KLF12: variants seen among roughly 807,000 people sequenced by gnomAD.
KLF12 encodes the protein Krueppel-like factor 12.
Under a neutral mutation model 37.8 loss-of-function variants are expected in KLF12, and 9 were observed. The observed-to-expected ratio is 0.24, with a 90% confidence interval of 0.14 to 0.42. The LOEUF (loss-of-function observed/expected upper bound fraction) is 0.42, where lower values mean the gene tolerates loss of function less well. KLF12 is among the 10% of genes least tolerant of loss of function. The pLI is 1.00. For synonymous variants in KLF12, 208 were observed against 202.1 expected, an observed-to-expected ratio of 1.03 and a Z score of -0.25; for missense variants, 411 against 516.0, an observed-to-expected ratio of 0.80 and a Z score of 1.97.
At chr13:73,888,178 A>ATTTTT (rs1158327912) in intron 3 of KLF12, among the ~76,000 whole-genome samples, 1 of 151,860 alleles carries the variant, frequency 6.6e-6, no homozygotes, top group Non-Finnish European at 1.5e-5. Context: ...AATCTTCTGT[A>ATTTTT]TTTTTTGCAG....
chr13:73,996,499 T>C (rs1262768064), intron 1 of KLF12, among the ~76,000 whole-genome samples: 1 of 152,270 alleles, frequency 6.6e-6, no homozygotes, highest in East Asian at 1.9e-4. Context: ...AGGGTAGTTC[T>C]ATAATTTTTT....
chr13:74,198,797 C>A, the KLF12 span, among the ~76,000 whole-genome samples: 147 of 152,270 alleles, frequency 9.7e-4, no homozygotes, highest in African/African-American at 3.2e-3. Context: ...GTCCTGCTCC[C>A]AATTTCTCTT....
intron 1 of KLF12, among the ~76,000 whole-genome samples, chr13:74,039,302 G>A (rs1187102205): frequency 2.0e-5 from 3 of 152,092 alleles, no homozygotes; most frequent in Admixed American, 6.5e-5. Context: ...ACTTTGAGAG[G>A]CTGAAGCAGG....
At chr13:74,198,436 G>A in the KLF12 span, among the ~76,000 whole-genome samples, 3 of 152,104 alleles carry the variant, frequency 2.0e-5, no homozygotes, top group Admixed American at 6.6e-5. Flanking sequence ...CTTGTAGACC[G>A]GCGCTGCTCT....
chr13:73,916,235 ACACACG>A (rs1226105165), intron 3 of KLF12, among the ~76,000 whole-genome samples: 3 of 33,410 alleles, frequency 9.0e-5, no homozygotes, highest in African/African-American at 2.7e-4. Context: ...ACACACACAC[ACACACG>A]CACACGCACA....
At chr13:73,709,971 G>A (rs1353052492) in intron 7 of KLF12, among the ~76,000 whole-genome samples, 2 of 152,080 alleles carry the variant, frequency 1.3e-5, no homozygotes, top group African/African-American at 4.8e-5. Flanking sequence ...AAGTGGGTAG[G>A]GAGAACTTTC....
intron 4 of KLF12, among the ~76,000 whole-genome samples, chr13:73,827,899 G>A (rs1157350712): frequency 6.6e-6 from 1 of 152,096 alleles, no homozygotes; most frequent in African/African-American, 2.4e-5. Flanking sequence ...ACTATCAAGA[G>A]TTAATTAAAA....
At chr13:74,278,442 A>C in the KLF12 span, among the ~76,000 whole-genome samples, 1 of 152,194 alleles carries the variant, frequency 6.6e-6, no homozygotes, top group East Asian at 1.9e-4. Flanking sequence ...TACTGATCCC[A>C]ATTCAGCAAC....
At chr13:73,833,032 T>G (rs1884246273) in intron 4 of KLF12, among the ~76,000 whole-genome samples, 1 of 152,192 alleles carries the variant, frequency 6.6e-6, no homozygotes, top group African/African-American at 2.4e-5. Context: ...AGTTTTCAGA[T>G]TTTATGGCAT....
chr13:73,893,165 A>G (rs1379813182), intron 3 of KLF12, among the ~76,000 whole-genome samples: 2 of 152,074 alleles, frequency 1.3e-5, no homozygotes, highest in African/African-American at 2.4e-5. Flanking sequence ...TGCTTTTCCA[A>G]TTAGCACTGG....
intron 4 of KLF12, among the ~76,000 whole-genome samples, chr13:73,816,996 TCA>T: frequency 6.6e-6 from 1 of 152,260 alleles, no homozygotes; most frequent in Non-Finnish European, 1.5e-5. Flanking sequence ...CATTTCTGAC[TCA>T]CAGAATTTGA....
intron 5 of KLF12, among the ~76,000 whole-genome samples, chr13:73,790,678 T>C (rs560428271): frequency 6.6e-6 from 1 of 152,356 alleles, no homozygotes; most frequent in East Asian, 1.9e-4. Flanking sequence ...CCACAGTGCA[T>C]CATTTAGTAC....
chr13:73,751,452 A>T (rs1280901556), intron 6 of KLF12, among the ~76,000 whole-genome samples: 1 of 152,176 alleles, frequency 6.6e-6, no homozygotes, highest in Non-Finnish European at 1.5e-5. Flanking sequence ...ATGGAATCTA[A>T]ACAGACCTGT....
intron 3 of KLF12, among the ~76,000 whole-genome samples, chr13:73,864,348 A>T (rs1886072166): frequency 6.6e-6 from 1 of 152,152 alleles, no homozygotes; most frequent in South Asian, 2.1e-4. Context: ...ATTAGATTTA[A>T]GGATTTAACA....
intron 4 of KLF12, among the ~76,000 whole-genome samples, chr13:73,832,766 C>A (rs1053523898): frequency 2.6e-5 from 4 of 152,152 alleles, no homozygotes; most frequent in African/African-American, 9.6e-5. Context: ...AGCAAAGTAG[C>A]ATTTCCCTTC....
intron 1 of KLF12, among the ~76,000 whole-genome samples, chr13:74,043,784 G>C (rs1207447843): frequency 6.6e-6 from 1 of 152,198 alleles, no homozygotes; most frequent in African/African-American, 2.4e-5. Context: ...AATGGATCTA[G>C]TTTTGGCAAA....
intron 1 of KLF12, among the ~76,000 whole-genome samples, chr13:74,073,986 C>G (rs1242480663): frequency 6.6e-6 from 1 of 152,160 alleles, no homozygotes; most frequent in African/African-American, 2.4e-5. Context: ...AGAAGCACTG[C>G]AGAAATATAC....
At chr13:74,121,379 C>T (rs558050139) in intron 1 of KLF12, among the ~76,000 whole-genome samples, 1 of 151,976 alleles carries the variant, frequency 6.6e-6, no homozygotes, top group East Asian at 1.9e-4. Flanking sequence ...ACTCATTATA[C>T]GACGTTATGA....
chr13:73,812,298 G>C (rs1882979412), intron 5 of KLF12, among the ~76,000 whole-genome samples: 1 of 151,794 alleles, frequency 6.6e-6, no homozygotes, highest in Non-Finnish European at 1.5e-5. Flanking sequence ...AAATTCTTAG[G>C]ACCTAATATA....
Sources: allele counts gnomAD v4.1 joint callset (sites outside exome capture counted in the v4.1 genomes callset), GRCh38; gene constraint gnomAD v4.1.1; transcripts MANE v1.5; gene names NCBI Gene and HGNC (gene_info 2026-07-23, HGNC 2026-07-21).